SEPTIN9: variants seen among roughly 807,000 people sequenced by gnomAD.
The protein encoded by SEPTIN9 is septin 9, also known as septin-9.
SEPTIN9 carries 13 observed loss-of-function variants against 56.6 expected under a neutral mutation model. That is an observed-to-expected ratio of 0.23 (90% CI 0.15 to 0.37). The LOEUF is 0.37. Ranked by LOEUF, SEPTIN9 falls within the 10% of genes least tolerant of loss-of-function variation. The pLI, the probability that SEPTIN9 is intolerant of heterozygous loss-of-function variation, is 1.00. For synonymous variants in SEPTIN9, 332 were observed against 334.1 expected, an observed-to-expected ratio of 0.99 and a Z score of 0.07; for missense variants, 650 against 823.1, an observed-to-expected ratio of 0.79 and a Z score of 2.57.
At chr17:77,304,209 G>A (rs1389896592) in intron 1 of SEPTIN9, among the ~76,000 whole-genome samples, 4 of 152,212 alleles carry the variant, frequency 2.6e-5, no homozygotes, top group South Asian at 4.1e-4. Flanking sequence ...CAGCGGCTGC[G>A]CTGAGCCTGG....
At chr17:77,478,012 TG>T (rs913588719) in intron 3 of SEPTIN9, among the ~76,000 whole-genome samples, 12 of 151,314 alleles carry the variant, frequency 7.9e-5, no homozygotes, top group Non-Finnish European at 1.0e-4. Context: ...CCACGGTCTT[TG>T]GGGGGGGTCA....
chr17:77,429,043 G>A lies in SEPTIN9; in HGVS notation c.721+26340G>A, dbSNP rs769827718. Reference sequence around the variant, plus strand: ...AATGGGAGCATCTCAGCAGCCCTCCGCCCCCTGCTCCTGGTTGCAGATGTA... The same window carrying A: ...AATGGGAGCATCTCAGCAGCCCTCCACCCCCTGCTCCTGGTTGCAGATGTA... On this transcript the variant is annotated intron_variant, in intron 3 of 11. Transcript: ENST00000427177. This position sits in a 1 kb window ranked among gnomAD's most constrained non-coding sequence, Gnocchi z 5.2. 4 of 471,356 alleles carry A rather than the reference G, an allele frequency of 8.5e-6. No individual in the cohort carries two copies. The highest frequency in any genetic ancestry group is 7.0e-5 in the Admixed American group (3 of 42,560). The allele number at this position is 471,356 out of a possible 1,614,324, so 29.2% of individuals were successfully genotyped here.
chr17:77,470,577 TC>T, intron 3 of SEPTIN9, among the ~76,000 whole-genome samples: 1 of 152,088 alleles, frequency 6.6e-6, no homozygotes, highest in South Asian at 2.1e-4. Flanking sequence ...CATCCACCCA[TC>T]CATCCAGTCA....
rs1232354878 is a variant in SEPTIN9 at position 77,402,750 on chromosome 17, C to T, written c.721+47C>T. On this transcript the variant is annotated intron_variant, in intron 3 of 11. Transcript: ENST00000427177. This position sits in a 1 kb window ranked among gnomAD's most constrained non-coding sequence, Gnocchi z 6.6. Reference sequence around the variant, plus strand: ...CTTGGATGCTGTGGTAATGGGGGGCCTGGTTGCTGGCTTTGCCACAGAATC... The same window carrying T: ...CTTGGATGCTGTGGTAATGGGGGGCTTGGTTGCTGGCTTTGCCACAGAATC... The T allele has an allele frequency of 2.0e-6, 3 of 1,506,190 alleles. No homozygotes were observed. Among genetic ancestry groups the T allele is most frequent in the Non-Finnish European group, 2.7e-6 (3 of 1,127,462 alleles). The allele number at this position is 1,506,190 out of a possible 1,614,324, so 93.3% of individuals were successfully genotyped here.
intron 1 of SEPTIN9, among the ~76,000 whole-genome samples, chr17:77,282,458 C>G (rs2031071093): frequency 1.3e-5 from 2 of 152,142 alleles, no homozygotes; most frequent in South Asian, 4.1e-4. Context: ...AAGGTACCTG[C>G]CAAGGATCCA....
chr17:77,315,837 T>TG (rs759581205), intron 2 of SEPTIN9, among the ~76,000 whole-genome samples: 16 of 152,202 alleles, frequency 1.1e-4, no homozygotes, highest in African/African-American at 3.4e-4. Flanking sequence ...CAGGGGTCTA[T>TG]GGGGGGTGAA....
At chr17:77,315,326 C>T (rs1471845413) in intron 2 of SEPTIN9, among the ~76,000 whole-genome samples, 7 of 150,120 alleles carry the variant, frequency 4.7e-5, no homozygotes, top group African/African-American at 1.5e-4. Context: ...CTCGCGCTGT[C>T]GCCCAGGCTG....
intron 2 of SEPTIN9, among the ~76,000 whole-genome samples, chr17:77,332,236 C>A (rs2033391804): frequency 6.6e-6 from 1 of 151,850 alleles, no homozygotes. Context: ...GGGATTGTGC[C>A]AATGCACTCC....
rs138955612 is a variant in SEPTIN9, at chr17:77,493,015, C to T, written c.1512C>T (p.His504=). The change falls in exon 10 of 12, where the codon CAC becomes CAT. Residue 504 remains histidine, a synonymous_variant. Coordinates refer to ENST00000427177, the MANE Select transcript of SEPTIN9 (RefSeq NM_001113491.2). Reference sequence around the variant, plus strand: ...CATTTGCTGTGGTGGGCAGTGACCACGAGTACCAGGTCAACGGCAAGAGGA... The same window carrying T: ...CATTTGCTGTGGTGGGCAGTGACCATGAGTACCAGGTCAACGGCAAGAGGA... ...MIPFAVVGSD[H]EYQVNGKRIL... is the part of the protein sequence containing the mutation. 1.0e-5 allele frequency: 16 copies of T among 1,570,164 alleles called. No homozygotes were observed. The highest frequency in any genetic ancestry group is 5.4e-5 in the African/African-American group (4 of 73,826).
chr17:77,490,433 G>A lies in SEPTIN9; in HGVS notation c.1263-309G>A, dbSNP rs137996667. On this transcript the variant is annotated intron_variant, in intron 7 of 11. Coordinates refer to ENST00000427177, the MANE Select transcript of SEPTIN9 (RefSeq NM_001113491.2). ...ACAGCAAGACGGCTGCTGAGCCAAC[G>A]ACAGCCCTTCTGTGTGGACATGTAG... is the stretch of plus-strand genomic sequence containing the variant. Among the ~76,000 whole-genome samples, 615 of 152,340 alleles carry A rather than the reference G, an allele frequency of 4.0e-3. 4 individuals carry two copies. The highest frequency in any genetic ancestry group is 0.014 in the African/African-American group (572 of 41,580).
intron 2 of SEPTIN9, among the ~76,000 whole-genome samples, chr17:77,321,485 C>T (rs1472043303): frequency 2.0e-5 from 3 of 151,652 alleles, no homozygotes; most frequent in African/African-American, 7.3e-5. Context: ...CTGCAAGCTC[C>T]GCCTCCCTAG....
intron 2 of SEPTIN9, among the ~76,000 whole-genome samples, chr17:77,362,717 G>A (rs1055407697): frequency 3.9e-5 from 6 of 152,166 alleles, no homozygotes; most frequent in African/African-American, 1.4e-4. Context: ...GCTTCAACAC[G>A]TTCGTCACAC....
Position 77,434,052 on chromosome 17 carries a change from G to A in SEPTIN9, c.721+31349G>A, listed in dbSNP as rs773074898. Among the ~76,000 whole-genome samples, 11 of 152,190 alleles carry A rather than the reference G, an allele frequency of 7.2e-5. No individual in the cohort carries two copies. Among genetic ancestry groups the A allele is most frequent in the Non-Finnish European group, 1.3e-4 (9 of 68,042 alleles). On this transcript the variant is annotated intron_variant, in intron 3 of 11. Transcript: ENST00000427177. The surrounding 1 kb of genome is among the most constrained non-coding windows in gnomAD (Gnocchi z 5.0). Reference sequence around the variant, plus strand: ...GCGCTAAGCTGCAGCTGTTCTGTGCGTTTTTCACATTTCTCACTTCTCAAA... The same window carrying A: ...GCGCTAAGCTGCAGCTGTTCTGTGCATTTTTCACATTTCTCACTTCTCAAA...
chr17:77,436,095 G>C lies in SEPTIN9; in HGVS notation c.721+33392G>C, dbSNP rs1229976310. Among the ~76,000 whole-genome samples, 1 of 152,200 alleles carries C rather than the reference G, an allele frequency of 6.6e-6. No homozygotes were observed. Among genetic ancestry groups the C allele is most frequent in the Non-Finnish European group, 1.5e-5 (1 of 68,038 alleles). On this transcript the variant is annotated intron_variant, in intron 3 of 11. Transcript: ENST00000427177. The surrounding 1 kb of genome is among the most constrained non-coding windows in gnomAD (Gnocchi z 4.4). Reference sequence around the variant, plus strand: ...TCCACGGCTGGGTGGGAGTTGAGTTGAGCTCGGCGGCTGCCTTTCCACCCT... The same window carrying C: ...TCCACGGCTGGGTGGGAGTTGAGTTCAGCTCGGCGGCTGCCTTTCCACCCT...
chr17:77,453,951 C>A lies in SEPTIN9; in HGVS notation c.722-28193C>A. ...AGGTCTCAAGGCCCCTTTAAGAAGC[C>A]TGTCACCACCACCAGCAGCTTCCGT... is the stretch of plus-strand genomic sequence containing the variant. On this transcript the variant is annotated intron_variant, in intron 3 of 11. Coordinates refer to ENST00000427177, the MANE Select transcript of SEPTIN9 (RefSeq NM_001113491.2). This position sits in a 1 kb window ranked among gnomAD's most constrained non-coding sequence, Gnocchi z 4.4. 3.0e-6 allele frequency: 2 copies of A among 660,448 alleles called. No individual in the cohort carries two copies. Among genetic ancestry groups the A allele is most frequent in the Non-Finnish European group, 3.8e-6 (2 of 532,898 alleles). 40.9% of individuals were successfully genotyped at this position (660,448 alleles called of 1,614,324 possible).
chr17:77,345,726 A>G (rs1447120933), intron 2 of SEPTIN9, among the ~76,000 whole-genome samples: 3 of 152,180 alleles, frequency 2.0e-5, no homozygotes, highest in Non-Finnish European at 1.5e-5. Context: ...AACCAGGAAG[A>G]GAAGCTGCTA....
chr17:77,495,405 G>A (rs1446846383), intron 10 of SEPTIN9, among the ~76,000 whole-genome samples: 1 of 152,200 alleles, frequency 6.6e-6, no homozygotes, highest in Non-Finnish European at 1.5e-5. Flanking sequence ...TAAGGGCTGT[G>A]CCTTGTTCTT....
intron 2 of SEPTIN9, among the ~76,000 whole-genome samples, chr17:77,357,282 A>G (rs1310211548): frequency 6.6e-6 from 1 of 152,192 alleles, no homozygotes; most frequent in African/African-American, 2.4e-5. Flanking sequence ...CAGGGCTGAA[A>G]GTCTGATGCA....
At chr17:77,419,626 C>T (rs908571734) in intron 3 of SEPTIN9, among the ~76,000 whole-genome samples, 11 of 152,312 alleles carry the variant, frequency 7.2e-5, no homozygotes, top group Middle Eastern at 3.4e-3. Context: ...GTCTCTCTCC[C>T]GGTCCCTCCC....
Sources: allele counts gnomAD v4.1 joint callset (sites outside exome capture counted in the v4.1 genomes callset), GRCh38; gene constraint gnomAD v4.1.1; non-coding constraint Gnocchi (gnomAD v3.1); transcripts MANE v1.5; gene names NCBI Gene and HGNC (gene_info 2026-07-23, HGNC 2026-07-21).